The following PPP2R2B variants were observed in gnomAD, a reference collection of about 807,000 sequenced individuals.
PPP2R2B encodes serine/threonine-protein phosphatase 2A 55 kDa regulatory subunit B beta isoform.
Under a neutral mutation model 46.0 loss-of-function variants are expected in PPP2R2B, and 5 were observed. The ratio of observed to expected loss-of-function variants is 0.11; its 90% CI spans 0.06 to 0.23. The LOEUF (loss-of-function observed/expected upper bound fraction) is 0.23. PPP2R2B is among the 10% of genes least tolerant of loss of function. The probability of loss-of-function intolerance (pLI) is 1.00; values close to 1 mark genes in which losing one functional copy is unlikely to be tolerated. For missense variants in PPP2R2B, 367 were observed against 575.0 expected, an observed-to-expected ratio of 0.64 and a Z score of 3.70; for synonymous variants, 215 against 206.7, an observed-to-expected ratio of 1.04 and a Z score of -0.34.
At chr5:147,026,667 A>C (rs540899774) in intron 1 of PPP2R2B, among the ~76,000 whole-genome samples, 1 of 152,286 alleles carries the variant, frequency 6.6e-6, no homozygotes, top group East Asian at 1.9e-4. Flanking sequence ...TATTTCTCAA[A>C]AATATACAAA....
At chr5:146,683,347 G>C (rs923333129) in intron 5 of PPP2R2B, among the ~76,000 whole-genome samples, 2 of 152,182 alleles carry the variant, frequency 1.3e-5, no homozygotes, top group Non-Finnish European at 2.9e-5. Flanking sequence ...TTTAGTACAA[G>C]AGGCAGGACA....
intron 1 of PPP2R2B, among the ~76,000 whole-genome samples, chr5:146,906,354 C>T (rs191100802): frequency 6.6e-6 from 1 of 150,542 alleles, no homozygotes; most frequent in African/African-American, 2.5e-5. Context: ...CAGAGTTTCA[C>T]TCTTGTTGCC....
intron 2 of PPP2R2B, among the ~76,000 whole-genome samples, chr5:146,729,562 A>G (rs758047301): frequency 2.6e-5 from 4 of 152,202 alleles, no homozygotes; most frequent in Non-Finnish European, 1.5e-5. Context: ...CCAGAGGCCC[A>G]GGGGGAAAAA....
chr5:146,815,528 T>C (rs1757878281), intron 2 of PPP2R2B, among the ~76,000 whole-genome samples: 1 of 152,238 alleles, frequency 6.6e-6, no homozygotes, highest in Non-Finnish European at 1.5e-5. Flanking sequence ...ACTAAATGCC[T>C]TCAGGAGTGC....
intron 2 of PPP2R2B, among the ~76,000 whole-genome samples, chr5:146,786,689 T>C (rs1755861249): frequency 6.6e-6 from 1 of 152,236 alleles, no homozygotes. Context: ...AAAGAGATGA[T>C]ATTGGTTTGA....
intron 8 of PPP2R2B, among the ~76,000 whole-genome samples, chr5:146,595,810 T>C (rs1224214125): frequency 6.6e-6 from 1 of 152,226 alleles, no homozygotes; most frequent in Non-Finnish European, 1.5e-5. Context: ...CTATTTGATG[T>C]TCTTTCTTCA....
chr5:146,740,600 CA>C (rs1752813600), intron 2 of PPP2R2B, among the ~76,000 whole-genome samples: 1 of 147,176 alleles, frequency 6.8e-6, no homozygotes, highest in Admixed American at 6.6e-5. Context: ...CACACACACA[CA>C]CACACACACA....
At chr5:147,035,246 A>G (rs1204538613) in intron 1 of PPP2R2B, 5 of 410,656 alleles carry the variant, frequency 1.2e-5, no homozygotes, top group African/African-American at 4.2e-5. Flanking sequence ...CACATCTTAC[A>G]TGGTAGCAGG....
chr5:147,034,863 T>A (rs117692287), intron 1 of PPP2R2B, among the ~76,000 whole-genome samples: 1 of 152,266 alleles, frequency 6.6e-6, no homozygotes, highest in East Asian at 1.9e-4. Flanking sequence ...TCAAGTGAAC[T>A]TTAGGAACCA....
At chr5:146,841,897 G>A (rs938254784) in intron 2 of PPP2R2B, among the ~76,000 whole-genome samples, 3 of 152,088 alleles carry the variant, frequency 2.0e-5, no homozygotes, top group African/African-American at 2.4e-5. Flanking sequence ...AAACCTGCAC[G>A]TTCTGCACAT....
intron 8 of PPP2R2B, among the ~76,000 whole-genome samples, chr5:146,594,898 C>T (rs1771018582): frequency 6.6e-6 from 1 of 152,204 alleles, no homozygotes. Context: ...GATTCGATCT[C>T]TTTTTTCCTG....
At chr5:146,795,153 G>A (rs1281312786) in intron 2 of PPP2R2B, among the ~76,000 whole-genome samples, 1 of 151,952 alleles carries the variant, frequency 6.6e-6, no homozygotes, top group Non-Finnish European at 1.5e-5. Flanking sequence ...ACCTCATAAG[G>A]ACTGTTAAGG....
At chr5:147,001,798 C>G (rs953668399) in intron 1 of PPP2R2B, among the ~76,000 whole-genome samples, 3 of 152,090 alleles carry the variant, frequency 2.0e-5, no homozygotes, top group Non-Finnish European at 4.4e-5. Flanking sequence ...GACGCGGGTG[C>G]CAGGCTTTCT....
At chr5:146,769,050 G>A (rs1469936754) in intron 2 of PPP2R2B, among the ~76,000 whole-genome samples, 1 of 151,970 alleles carries the variant, frequency 6.6e-6, no homozygotes, top group Non-Finnish European at 1.5e-5. Context: ...GCTAATTTTT[G>A]TATTTTTAGT....
chr5:146,675,400 C>T (rs900398021), intron 5 of PPP2R2B, among the ~76,000 whole-genome samples: 2 of 152,162 alleles, frequency 1.3e-5, no homozygotes, highest in African/African-American at 2.4e-5. Context: ...CCCCTCACCC[C>T]GCTATAAATA....
rs1445979729 is a variant in PPP2R2B at position 146,581,622 on chromosome 5, C to A, written c.*8325G>T. On this transcript the variant is annotated 3_prime_UTR_variant, in exon 10 of 10. Coordinates refer to ENST00000394411, the MANE Select transcript of PPP2R2B (RefSeq NM_181675.4). ...AAATGAGGGGTTTAAATAAATGCACCATTGACCACCTTCTGCCTTTTTCCT... is the reference window on the plus strand; with the variant it reads ...AAATGAGGGGTTTAAATAAATGCACAATTGACCACCTTCTGCCTTTTTCCT... 1 of 152,150 alleles carries A rather than the reference C, an allele frequency of 6.6e-6. No individual in the cohort carries two copies. The highest frequency in any genetic ancestry group is 1.5e-5 in the Non-Finnish European group (1 of 68,038). 9.4% of individuals were successfully genotyped at this position (152,150 alleles called of 1,614,324 possible). A position where few individuals can be genotyped will look rare whatever the true frequency, so the allele number is the denominator to read the frequency against.
chr5:146,760,032 G>A (rs1319578781), intron 2 of PPP2R2B, among the ~76,000 whole-genome samples: 3 of 152,156 alleles, frequency 2.0e-5, no homozygotes, highest in African/African-American at 7.2e-5. Flanking sequence ...CAAGAAAGGT[G>A]TGTTTGTTTA....
At chr5:146,649,414 A>ATTT (rs11372355) in intron 6 of PPP2R2B, among the ~76,000 whole-genome samples, 1 of 145,324 alleles carries the variant, frequency 6.9e-6, no homozygotes, top group African/African-American at 2.5e-5. Flanking sequence ...GCTATTCAGC[A>ATTT]TTTTTTTTTT....
At chr5:146,851,902 T>G (rs1760372644) in intron 2 of PPP2R2B, among the ~76,000 whole-genome samples, 1 of 152,018 alleles carries the variant, frequency 6.6e-6, no homozygotes, top group Non-Finnish European at 1.5e-5. Context: ...AAGTTGTAAA[T>G]TTTTCAGATT....
Sources: gnomAD v4.1 joint callset for allele counts (sites outside exome capture counted in the v4.1 genomes callset) on GRCh38, gnomAD v4.1.1 for gene constraint, MANE v1.5 for transcripts, NCBI Gene and HGNC (gene_info 2026-07-23, HGNC 2026-07-21) for gene names.